Variants in CDC42BPB observed in about 807,000 individuals in gnomAD.
The protein encoded by CDC42BPB is CDC42 binding protein kinase beta.
In CDC42BPB, 37 loss-of-function variants were observed where a neutral mutation model predicts 214.9. The observed-to-expected ratio is 0.17, with a 90% CI of 0.13 to 0.23. The LOEUF (loss-of-function observed/expected upper bound fraction) is 0.23, where lower values mean the gene tolerates loss of function less well. CDC42BPB is among the 10% of genes least tolerant of loss of function. The pLI, the probability that CDC42BPB is intolerant of heterozygous loss-of-function variation, is 1.00. For synonymous variants in CDC42BPB, 931 were observed against 884.0 expected (o/e 1.05, Z -0.94); for missense variants, 1,694 against 2,227.0 (o/e 0.76, Z 4.82).
chr14:102,991,005 G>A (rs950181155), intron 5 of CDC42BPB, among the ~76,000 whole-genome samples: 8 of 152,286 alleles, frequency 5.3e-5, no homozygotes, highest in Non-Finnish European at 1.0e-4. Flanking sequence ...GAGTCAATCT[G>A]CAACCATGCA....
chr14:103,025,423 T>C lies in CDC42BPB; in HGVS notation c.176-13235A>G, dbSNP rs576249183. On this transcript the variant is annotated intron_variant, in intron 1 of 36. Coordinates refer to ENST00000361246, the MANE Select transcript of CDC42BPB (RefSeq NM_006035.4). ...TGTTCAAAGCAGCTTTACTCATAAT[T>C]ATCAAAAACTGTAAACTACCCAAAT... Among the ~76,000 whole-genome samples the C allele has an allele frequency of 7.9e-5, 12 of 151,400 alleles. 1 individual carries two copies. The highest frequency in any genetic ancestry group is 2.4e-4 in the African/African-American group (10 of 41,194).
intron 34 of CDC42BPB, 69 bp from the exon 35 acceptor site, chr14:102,938,480 C>T (rs912363260): frequency 6.7e-6 from 10 of 1,499,644 alleles, no homozygotes; most frequent in Non-Finnish European, 8.8e-6. Flanking sequence ...GAAGTTTGTG[C>T]AACCTACGGT....
chr14:103,044,897 T>C (rs1375662912), intron 1 of CDC42BPB, among the ~76,000 whole-genome samples: 1 of 151,700 alleles, frequency 6.6e-6, no homozygotes, highest in Non-Finnish European at 1.5e-5. Flanking sequence ...GAAATGGTAT[T>C]TCAAATTGAA....
chr14:103,039,247 C>A (rs144470233), intron 1 of CDC42BPB, among the ~76,000 whole-genome samples: 4 of 140,872 alleles, frequency 2.8e-5, no homozygotes, highest in African/African-American at 5.4e-5. Context: ...AAGGAGAACA[C>A]TTCCTAAATC....
At chr14:102,987,788 A>ACACACACACACACACACAC (rs1894312194) in intron 5 of CDC42BPB, among the ~76,000 whole-genome samples, 1 of 140,760 alleles carries the variant, frequency 7.1e-6, no homozygotes, top group African/African-American at 2.7e-5. Context: ...CAAACACACA[A>ACACACACACACACACACAC]ACACACACAC....
At chr14:102,965,952 C>T (rs1289339440) in intron 18 of CDC42BPB, among the ~76,000 whole-genome samples, 2 of 152,044 alleles carry the variant, frequency 1.3e-5, no homozygotes, top group Admixed American at 6.5e-5. Context: ...GTGAGACTGT[C>T]GCGGGAGGAA....
intron 1 of CDC42BPB, among the ~76,000 whole-genome samples, chr14:103,026,669 CT>C: frequency 6.6e-6 from 1 of 152,044 alleles, no homozygotes; most frequent in Non-Finnish European, 1.5e-5. Flanking sequence ...CGAGACCATC[CT>C]GGCTAACACA....
chr14:102,983,373 C>T (rs941209556), intron 7 of CDC42BPB, among the ~76,000 whole-genome samples, 183 bp downstream of exon 7: 2 of 152,088 alleles, frequency 1.3e-5, no homozygotes, highest in Non-Finnish European at 2.9e-5. Flanking sequence ...GTGCCGACCC[C>T]GCCTCTGGAT....
At chr14:102,973,891 T>G (rs1488171935) in intron 12 of CDC42BPB, 125 bp downstream of exon 12, 1 of 1,230,938 alleles carries the variant, frequency 8.1e-7, no homozygotes, top group Non-Finnish European at 1.1e-6. Context: ...CCTGGCGTCC[T>G]GCATGCAGCA....
At chr14:102,967,501 A>G (rs1418524483) in intron 16 of CDC42BPB, among the ~76,000 whole-genome samples, 2 of 152,236 alleles carry the variant, frequency 1.3e-5, no homozygotes, top group South Asian at 4.1e-4. Flanking sequence ...CAGCAAGAAC[A>G]CGGTCTGAGA....
intron 4 of CDC42BPB, among the ~76,000 whole-genome samples, chr14:103,000,587 C>A (rs987602765): frequency 9.2e-5 from 14 of 152,258 alleles, no homozygotes; most frequent in African/African-American, 3.4e-4. Context: ...CTGAACCTCA[C>A]AGGAGCCGCC....
intron 28 of CDC42BPB, 91 bp from the exon 29 acceptor site, chr14:102,945,815 CT>C: frequency 9.2e-7 from 1 of 1,083,904 alleles, no homozygotes. Context: ...TTCACAGATA[CT>C]TTTCAACCAT....
At chr14:103,054,245 C>G (rs966757332) in intron 1 of CDC42BPB, among the ~76,000 whole-genome samples, 6 of 152,176 alleles carry the variant, frequency 3.9e-5, no homozygotes, top group African/African-American at 1.4e-4. Flanking sequence ...GCCTCCAAAT[C>G]TGGGCTGAAT....
intron 20 of CDC42BPB, among the ~76,000 whole-genome samples, chr14:102,961,540 C>CT (rs924189936): frequency 3.3e-5 from 5 of 149,664 alleles, no homozygotes; most frequent in African/African-American, 9.9e-5. Context: ...ACCCCCCCCA[C>CT]TTTTTTTTAA....
In CDC42BPB at chr14:102,963,209, C is replaced by G. The variant is rs542011509; in HGVS notation, c.2727-54G>C. Reference sequence around the variant, plus strand: ...GCACTGAGAAGAGGTTGTCTGTGAGCTGGTATGGGGCAGGTCAGGATGAGA... The same window carrying G: ...GCACTGAGAAGAGGTTGTCTGTGAGGTGGTATGGGGCAGGTCAGGATGAGA... On this transcript the variant is annotated intron_variant, in intron 19 of 36. Transcript: ENST00000361246. 1.1e-5 allele frequency: 17 copies of G among 1,563,852 alleles called. No individual in the cohort carries two copies. The Middle Eastern group carries it at 5.4e-4, about 50-fold the overall frequency.
At chr14:102,983,526 C>CAAAAA in intron 7 of CDC42BPB, 30 bp downstream of exon 7, 2 of 1,511,914 alleles carry the variant, frequency 1.3e-6, no homozygotes, top group South Asian at 1.2e-5. Flanking sequence ...AGCCAGGTAC[C>CAAAAA]AAAAAAAAAA....
intron 1 of CDC42BPB, chr14:103,041,593 C>A: frequency 2.2e-6 from 2 of 920,664 alleles, no homozygotes; most frequent in Middle Eastern, 3.2e-4. Flanking sequence ...AGCTAAAGTG[C>A]CCCACATTGC....
intron 20 of CDC42BPB, 170 bp from the exon 21 acceptor site, chr14:102,959,880 G>C (rs1189532870): frequency 7.3e-6 from 7 of 956,646 alleles, no homozygotes; most frequent in Non-Finnish European, 8.6e-6. Flanking sequence ...CTTTTCCCCA[G>C]AGAGTAACAA....
chr14:102,973,945 G>T (rs1018550), intron 12 of CDC42BPB, 71 bp downstream of exon 12: 1,441,739 of 1,506,162 alleles, frequency 0.96, 692,205 homozygotes, highest in Middle Eastern at 0.99. Flanking sequence ...TTCCATCATC[G>T]GCATGAACGT....
Sources: gnomAD v4.1 joint callset for allele counts (sites outside exome capture counted in the v4.1 genomes callset) on GRCh38, gnomAD v4.1.1 for gene constraint, MANE v1.5 for transcripts, NCBI Gene and HGNC (gene_info 2026-07-23, HGNC 2026-07-21) for gene names.